Variants in DGCR2 observed in about 807,000 individuals in gnomAD.
DGCR2 encodes DiGeorge syndrome critical region gene 2, also known as integral membrane protein DGCR2/IDD.
Under a neutral mutation model 51.6 loss-of-function variants are expected in DGCR2, and 24 were observed. The observed-to-expected ratio is 0.47, with a 90% CI of 0.34 to 0.65. The LOEUF (loss-of-function observed/expected upper bound fraction) is 0.65. Ranked by LOEUF, DGCR2 falls within the 30% of genes least tolerant of loss-of-function variation. The probability of loss-of-function intolerance (pLI) is 0.01; values close to 1 mark genes in which losing one functional copy is unlikely to be tolerated. For synonymous variants in DGCR2, 340 were observed against 315.4 expected (o/e 1.08, Z -0.82); for missense variants, 765 against 772.1 (o/e 0.99, Z 0.11).
intron 1 of DGCR2, among the ~76,000 whole-genome samples, chr22:19,108,569 TAAAAAAAAAAAAAAAA>T (rs55803042): frequency 2.3e-3 from 208 of 90,806 alleles, no homozygotes; most frequent in Admixed American, 5.5e-3. Flanking sequence ...AGAATTTATC[TAAAAAAAAAAAAAAAA>T]AAAAAAAAAA....
chr22:19,103,190 G>A (rs991031850), intron 1 of DGCR2, among the ~76,000 whole-genome samples: 16 of 151,820 alleles, frequency 1.1e-4, no homozygotes, highest in Non-Finnish European at 7.4e-5. Context: ...TATCTAGAAT[G>A]GGCAAATCTA....
rs150691855 is a variant in DGCR2, at chr22:19,059,324, T to C, written c.626-2162A>G. ...TTGGGTGTTAGATCCCGGTGGGGGC[T>C]GCAAGACTGGTGCCAGGTGATGAGA... On this transcript the variant is annotated intron_variant, in intron 5 of 9. Coordinates refer to ENST00000263196, the MANE Select transcript of DGCR2 (RefSeq NM_005137.3). Among the ~76,000 whole-genome samples the C allele has an allele frequency of 7.7e-3, 1,157 of 150,146 alleles. 19 individuals carry two copies. The highest frequency in any genetic ancestry group is 0.026 in the African/African-American group (1,078 of 40,796).
rs1187973102 is a variant in DGCR2, at chr22:19,119,934, C to CAT, written c.79+2192_79+2193dup. ...AGTGGGCTCTGACTGATACCTTCCTCATACTCAAGTATGCTTTTAAGGCCG... is the reference window on the plus strand; with the variant it reads ...AGTGGGCTCTGACTGATACCTTCCTCATATACTCAAGTATGCTTTTAAGGCCG... On this transcript the variant is annotated intron_variant, in intron 1 of 9. Coordinates refer to ENST00000263196, the MANE Select transcript of DGCR2 (RefSeq NM_005137.3). 3.9e-5 allele frequency among the ~76,000 whole-genome samples: 6 copies of CAT among 152,080 alleles called. 1 individual carries two copies. The East Asian group carries it at 1.2e-3, about 30-fold the overall frequency.
chr22:19,066,109 G>T (rs915793404), intron 3 of DGCR2, among the ~76,000 whole-genome samples: 3 of 152,198 alleles, frequency 2.0e-5, no homozygotes, highest in Admixed American at 6.5e-5. Context: ...TGCAGACAAG[G>T]AATCAGAGGG....
chr22:19,074,412 G>GAAA (rs72460718), intron 2 of DGCR2, among the ~76,000 whole-genome samples: 51 of 125,048 alleles, frequency 4.1e-4, no homozygotes, highest in Non-Finnish European at 1.4e-4. Flanking sequence ...AGAGCAAGAT[G>GAAA]AAAAAAAAAA....
intron 1 of DGCR2, among the ~76,000 whole-genome samples, chr22:19,118,453 G>T (rs807749): frequency 0.41 from 61,978 of 150,386 alleles, 13,173 homozygotes; most frequent in African/African-American, 0.53. Flanking sequence ...TCCCTGAGAT[G>T]TGATCAGCTC....
At chr22:19,108,616 C>A in intron 1 of DGCR2, among the ~76,000 whole-genome samples, 1 of 132,382 alleles carries the variant, frequency 7.6e-6, no homozygotes, top group Admixed American at 7.6e-5. Context: ...ATGCACAGGC[C>A]AACAGAACAG....
intron 2 of DGCR2, among the ~76,000 whole-genome samples, chr22:19,080,985 A>C (rs1269783810): frequency 6.6e-6 from 1 of 152,186 alleles, no homozygotes; most frequent in Non-Finnish European, 1.5e-5. Flanking sequence ...CTTGGCACTC[A>C]GAGCCTTCAA....
In DGCR2 at chr22:19,041,798, G is replaced by A. The variant is rs201986471; in HGVS notation, c.1159+9C>T. ...GGGACCAGGGTTGTGGCCCTCAGAG[G>A]GCACTTACAGTTTGCTCCAATCAGG... On this transcript the variant is annotated intron_variant, in intron 8 of 9. Transcript: ENST00000263196. The A allele has an allele frequency of 6.2e-7, 1 of 1,610,702 alleles. No individual in the cohort carries two copies. Among genetic ancestry groups the A allele is most frequent in the African/African-American group, 1.3e-5 (1 of 74,982 alleles).
rs1034967507 is a variant in DGCR2, at chr22:19,062,688, AG to A, written c.625+513del. On this transcript the variant is annotated intron_variant, in intron 5 of 9. Coordinates refer to ENST00000263196, the MANE Select transcript of DGCR2 (RefSeq NM_005137.3). ...CCAAGTCCGAGCCCAGGGAATGTAAAGGAAACAGCAGCCATGTTTCCTTTAC... is the reference window on the plus strand; with the variant it reads ...CCAAGTCCGAGCCCAGGGAATGTAAAGAAACAGCAGCCATGTTTCCTTTAC... Among the ~76,000 whole-genome samples, 17 of 151,704 alleles carry A rather than the reference AG, an allele frequency of 1.1e-4. 1 individual carries two copies. Among genetic ancestry groups the A allele is most frequent in the Non-Finnish European group, 7.4e-5 (5 of 67,720 alleles).
intron 1 of DGCR2, among the ~76,000 whole-genome samples, chr22:19,118,374 C>CAAAAAAAAAAAAAAAAAAAA (rs923572855): frequency 3.5e-5 from 2 of 56,766 alleles, no homozygotes; most frequent in Non-Finnish European, 6.5e-5. Context: ...CCATCGCAAA[C>CAAAAAAAAAAAAAAAAAAAA]AAAAAAAAAA....
At chr22:19,120,584 C>T (rs910486308) in intron 1 of DGCR2, among the ~76,000 whole-genome samples, 7 of 152,100 alleles carry the variant, frequency 4.6e-5, no homozygotes, top group Non-Finnish European at 1.0e-4. Flanking sequence ...GAGTCGGGGA[C>T]GTCAGTCACC....
intron 2 of DGCR2, among the ~76,000 whole-genome samples, chr22:19,077,003 C>G (rs753482657): frequency 6.6e-6 from 1 of 151,924 alleles, no homozygotes; most frequent in Non-Finnish European, 1.5e-5. Context: ...TGATTACAGG[C>G]GTGAGCCGCC....
chr22:19,097,235 CTA>C lies in DGCR2; in HGVS notation c.80-7747_80-7746del, dbSNP rs765291112. ...TCCTATATATCAGTATATAGTAAAC[CTA>C]TATATATATATACATATATAGATAT... is the stretch of plus-strand genomic sequence containing the variant. On this transcript the variant is annotated intron_variant, in intron 1 of 9. Coordinates refer to ENST00000263196, the MANE Select transcript of DGCR2 (RefSeq NM_005137.3). Among the ~76,000 whole-genome samples the C allele has an allele frequency of 1.3e-4, 19 of 150,592 alleles. No individual in the cohort carries two copies. In the South Asian group the frequency reaches 1.9e-3, roughly 15 times the overall value.
At chr22:19,117,605 G>A (rs555960229) in intron 1 of DGCR2, among the ~76,000 whole-genome samples, 1 of 152,304 alleles carries the variant, frequency 6.6e-6, no homozygotes, top group South Asian at 2.1e-4. Context: ...CAATGTGTGT[G>A]AGTACACAGA....
At chr22:19,066,798 A>C (rs1298454361) in intron 3 of DGCR2, among the ~76,000 whole-genome samples, 1 of 152,200 alleles carries the variant, frequency 6.6e-6, no homozygotes, top group Non-Finnish European at 1.5e-5. Flanking sequence ...ACCCAGGCAG[A>C]AGTGCTGCCT....
chr22:19,039,024 G>A lies in DGCR2; in HGVS notation c.1494C>T (p.Pro498=), dbSNP rs776610802. 6 of 1,612,750 alleles carry A rather than the reference G, an allele frequency of 3.7e-6. No individual in the cohort carries two copies. In the East Asian group the frequency reaches 1.1e-4, roughly 30 times the overall value. ...ALLRRLEQPL[P]TAGASLADLE... is the part of the protein sequence containing the mutation. ...GGTCTGCCAGAGAGGCCCCCGCAGTGGGCAGAGGCTGCTCCAGGCGCCGGA... is the reference window on the plus strand; with the variant it reads ...GGTCTGCCAGAGAGGCCCCCGCAGTAGGCAGAGGCTGCTCCAGGCGCCGGA... The change falls in exon 10 of 10, where the codon CCC becomes CCT. Residue 498 remains proline, a synonymous_variant. Coordinates refer to ENST00000263196, the MANE Select transcript of DGCR2 (RefSeq NM_005137.3).
At chr22:19,084,424 T>C (rs2082983214) in intron 2 of DGCR2, among the ~76,000 whole-genome samples, 1 of 140,496 alleles carries the variant, frequency 7.1e-6, no homozygotes, top group African/African-American at 2.7e-5. Context: ...GTCTGAGAAG[T>C]GAGGAGCCCC....
chr22:19,065,335 G>A, intron 3 of DGCR2: 1 of 482,338 alleles, frequency 2.1e-6, no homozygotes, highest in South Asian at 2.2e-5. Flanking sequence ...AAGAACGGCT[G>A]CTGAATTAAG....
Sources: gnomAD v4.1 joint callset for allele counts (sites outside exome capture counted in the v4.1 genomes callset) on GRCh38, gnomAD v4.1.1 for gene constraint, MANE v1.5 for transcripts, NCBI Gene and HGNC (gene_info 2026-07-23, HGNC 2026-07-21) for gene names.